Variants in DRC9 observed in about 807,000 individuals in gnomAD.
DRC9 encodes the protein dynein regulatory complex subunit 9.
the DRC9 span, chr3:197,951,429 C>T: frequency 9.0e-7 from 1 of 1,106,966 alleles, no homozygotes; most frequent in Non-Finnish European, 1.4e-6. Flanking sequence ...TCTCCCTCAC[C>T]GAAACCTCCG....
the DRC9 span, among the ~76,000 whole-genome samples, chr3:197,925,097 A>T: frequency 2.0e-5 from 3 of 152,236 alleles, no homozygotes; most frequent in Admixed American, 6.5e-5. Context: ...TGTCTTCTTT[A>T]GGAATATACT....
chr3:197,959,212 A>G, the DRC9 span: 2 of 152,222 alleles, frequency 1.3e-5, no homozygotes, highest in Admixed American at 1.3e-4. Flanking sequence ...TCTCAAAAAA[A>G]AAAGAAACAG....
the DRC9 span, chr3:197,960,147 C>T: frequency 5.3e-6 from 7 of 1,322,634 alleles, no homozygotes; most frequent in Admixed American, 1.7e-4. Flanking sequence ...AGCGCCTTTC[C>T]GCCGGCTGGG....
At chr3:197,943,720 T>C in the DRC9 span, 72 of 1,413,226 alleles carry the variant, frequency 5.1e-5, no homozygotes, top group Non-Finnish European at 6.9e-5. Flanking sequence ...ATAGGTACTA[T>C]AAATGAGGGA....
At chr3:197,953,912 C>T in the DRC9 span, 4 of 1,328,898 alleles carry the variant, frequency 3.0e-6, no homozygotes, top group Non-Finnish European at 4.3e-6. Context: ...AGTGGGTAAC[C>T]AGGGTTGAGA....
At chr3:197,954,190 C>G in the DRC9 span, 1 of 1,608,292 alleles carries the variant, frequency 6.2e-7, no homozygotes, top group South Asian at 1.1e-5. Context: ...ATGAATCAGA[C>G]TAGGTTCAAG....
the DRC9 span, among the ~76,000 whole-genome samples, chr3:197,899,587 G>T: frequency 2.6e-5 from 4 of 152,130 alleles, no homozygotes; most frequent in East Asian, 7.7e-4. Context: ...CCATGGTATT[G>T]ATCTTGTGTT....
the DRC9 span, among the ~76,000 whole-genome samples, chr3:197,925,626 T>C: frequency 2.7e-5 from 4 of 149,194 alleles, no homozygotes; most frequent in African/African-American, 1.0e-4. Context: ...TCTCGCTCTG[T>C]CACCCAGGCT....
the DRC9 span, chr3:197,951,487 G>C: frequency 7.5e-6 from 5 of 666,626 alleles, no homozygotes; most frequent in Non-Finnish European, 1.3e-5. Flanking sequence ...CGAGTAGCTG[G>C]GATTACAGGC....
the DRC9 span, among the ~76,000 whole-genome samples, chr3:197,943,038 C>T: frequency 1.3e-5 from 2 of 152,112 alleles, no homozygotes; most frequent in Non-Finnish European, 2.9e-5. Context: ...CTTAAAAATG[C>T]ATAAAGACTT....
chr3:197,903,983 C>T, the DRC9 span, among the ~76,000 whole-genome samples: 1 of 146,506 alleles, frequency 6.8e-6, no homozygotes, highest in South Asian at 2.1e-4. Flanking sequence ...TACATACATA[C>T]ACACACACAT....
chr3:197,904,214 G>A, the DRC9 span, among the ~76,000 whole-genome samples: 447 of 151,112 alleles, frequency 3.0e-3, 5 homozygotes, highest in African/African-American at 0.01. Context: ...ACAGATCATC[G>A]GAGAAATGCA....
At chr3:197,956,624 G>GTTTTTTTTTTTTTTTTTTTTTTTTT in the DRC9 span, 1 of 135,188 alleles carries the variant, frequency 7.4e-6, no homozygotes. Context: ...TTGCTGTATG[G>GTTTTTTTTTTTTTTTTTTTTTTTTT]TTTTTTTTTT....
chr3:197,932,691 A>T, the DRC9 span, among the ~76,000 whole-genome samples: 1 of 148,868 alleles, frequency 6.7e-6, no homozygotes, highest in East Asian at 1.9e-4. Context: ...GGCCAGGTGC[A>T]GTGGCATGTG....
the DRC9 span, among the ~76,000 whole-genome samples, chr3:197,933,960 G>T: frequency 6.8e-6 from 1 of 146,022 alleles, no homozygotes; most frequent in African/African-American, 2.5e-5. Context: ...ACAGGCATGG[G>T]CCACCTCACC....
the DRC9 span, among the ~76,000 whole-genome samples, chr3:197,941,391 C>T: frequency 8.3e-5 from 4 of 48,176 alleles, no homozygotes; most frequent in East Asian, 4.8e-3. Context: ...CCCCTCCCTT[C>T]CCCCTCCCTC....
At chr3:197,903,277 A>G in the DRC9 span, among the ~76,000 whole-genome samples, 1 of 152,242 alleles carries the variant, frequency 6.6e-6, no homozygotes, top group South Asian at 2.1e-4. Context: ...GGACTGGGCA[A>G]AGATTTCTTG....
chr3:197,891,393 G>T, the DRC9 span: 1 of 898,004 alleles, frequency 1.1e-6, no homozygotes. Context: ...AAATGCTTTT[G>T]TGTTCCTCAG....
chr3:197,952,168 T>G, the DRC9 span, among the ~76,000 whole-genome samples: 634 of 128,844 alleles, frequency 4.9e-3, 6 homozygotes, highest in Middle Eastern at 7.1e-3. Context: ...ATGGGTTTTT[T>G]TTTTTTTTTT....
Sources: allele counts gnomAD v4.1 joint callset (sites outside exome capture counted in the v4.1 genomes callset), GRCh38; gene constraint gnomAD v4.1.1; transcripts MANE v1.5; gene names NCBI Gene and HGNC (gene_info 2026-07-23, HGNC 2026-07-21).